The following DEPDC5 variants were observed in gnomAD, a reference collection of about 807,000 sequenced individuals.
DEPDC5 encodes GATOR1 complex protein DEPDC5.
Under a neutral mutation model 217.3 loss-of-function variants are expected in DEPDC5, and 73 were observed. The observed-to-expected ratio is 0.34, with a 90% CI of 0.28 to 0.41. The LOEUF is 0.41. DEPDC5 is among the 10% of genes least tolerant of loss of function. DEPDC5 has a pLI of 1.00. For missense variants in DEPDC5, 1,675 were observed against 2,070.1 expected (o/e 0.81, Z 3.70); for synonymous variants, 733 against 756.7 (o/e 0.97, Z 0.51).
intron 18 of DEPDC5, among the ~76,000 whole-genome samples, chr22:31,807,513 C>A (rs996631719): frequency 6.6e-6 from 1 of 152,202 alleles, no homozygotes; most frequent in Non-Finnish European, 1.5e-5. Context: ...CTTACTGCAA[C>A]TTCTGCCTCC....
chr22:31,804,806 T>C (rs376945701), intron 16 of DEPDC5, 36 bp from the exon 17 acceptor site: 14 of 1,598,524 alleles, frequency 8.8e-6, no homozygotes, highest in Non-Finnish European at 1.7e-6. Flanking sequence ...CTACTTGTTC[T>C]GTAGCTTATC....
At position 31,755,123 on chromosome 22, in the gene DEPDC5, A is replaced by G. The variant is rs930947972; in HGVS notation, c.58+144A>G. The G allele has an allele frequency of 3.6e-6, 3 of 844,660 alleles. No individual in the cohort carries two copies. In the Admixed American group the frequency reaches 8.3e-5, roughly 23 times the overall value. The allele number at this position is 844,660 out of a possible 1,614,324, so 52.3% of individuals were successfully genotyped here. ...ACTAAAGCAGCAACTGTCATACAGT[A>G]ACAATAGGAGGATGGCAGGACCCTT... On this transcript the variant is annotated intron_variant, in intron 2 of 42. Transcript: ENST00000651528.
In DEPDC5 at chr22:31,845,248, CT is replaced by C; in HGVS notation, c.3021+13del. 6.2e-7 allele frequency: 1 copy of C among 1,610,536 alleles called. No homozygotes were observed. The highest frequency in any genetic ancestry group is 8.5e-7 in the Non-Finnish European group (1 of 1,178,402). On this transcript the variant is annotated intron_variant, in intron 30 of 42. Transcript: ENST00000651528. ...GATCGCATGATGCGGGTAAGGGCTC[CT>C]TAGACTCAGGGAGTGCGCCTGGTGT...
At chr22:31,859,164 C>T (rs1391659694) in intron 32 of DEPDC5, 2 of 136,000 alleles carry the variant, frequency 1.5e-5, no homozygotes, top group Non-Finnish European at 3.0e-5. Context: ...GATCTCGGCT[C>T]ACTGCAAGCT....
chr22:31,821,615 G>A lies in DEPDC5; in HGVS notation c.1984G>A (p.Ala662Thr). The A allele has an allele frequency of 6.2e-7, 1 of 1,613,890 alleles. No homozygotes were observed. Among genetic ancestry groups the A allele is most frequent in the Non-Finnish European group, 8.5e-7 (1 of 1,179,748 alleles). ...CTCCTCTGCAGAGCTGCTGGAGTTAGCATATCATGAAGCTGCTGGAAGGTG... is the reference window on the plus strand; with the variant it reads ...CTCCTCTGCAGAGCTGCTGGAGTTAACATATCATGAAGCTGCTGGAAGGTG... ...THSSAELLEL[A>T]YHEAAGRHSN... The change falls in exon 23 of 43, where the codon GCA (alanine) becomes ACA (threonine). Residue 662 changes from alanine (A) to threonine (T), a missense_variant. By Grantham distance (58) the Ala-to-Thr change is moderately conservative. This residue lies in a region of DEPDC5 where 136 missense variants were observed against 132.2 expected (regional missense o/e 1.03). Transcript: ENST00000651528.
chr22:31,834,663 C>T (rs182477445), intron 25 of DEPDC5, among the ~76,000 whole-genome samples: 43 of 151,988 alleles, frequency 2.8e-4, no homozygotes, highest in African/African-American at 7.2e-4. Context: ...ATTATAGGCG[C>T]GCGCCACCAC....
chr22:31,781,059 A>G (rs1281909102), intron 8 of DEPDC5, among the ~76,000 whole-genome samples: 1 of 151,978 alleles, frequency 6.6e-6, no homozygotes, highest in Admixed American at 6.6e-5. Context: ...TCTACTAAAC[A>G]TACAAAATTA....
chr22:31,853,815 CAG>C (rs1216737863), intron 31 of DEPDC5, among the ~76,000 whole-genome samples: 3 of 152,074 alleles, frequency 2.0e-5, no homozygotes, highest in Admixed American at 2.0e-4. Flanking sequence ...CAAGTCAGGG[CAG>C]AGAGAGAGAG....
At chr22:31,889,295 T>C (rs1382193238) in intron 38 of DEPDC5, among the ~76,000 whole-genome samples, 1 of 152,202 alleles carries the variant, frequency 6.6e-6, no homozygotes, top group Non-Finnish European at 1.5e-5. Flanking sequence ...CATAATCCGC[T>C]AGAAACATAT....
At position 31,854,442 on chromosome 22, in the gene DEPDC5, A is replaced by G. The variant is rs144490459; in HGVS notation, c.3156-3003A>G. ...GAGACTGTGGTGTCAGTGGACAAGG[A>G]AAATAATCTAGCACCTAGTTTTTTG... is the stretch of plus-strand genomic sequence containing the variant. On this transcript the variant is annotated intron_variant, in intron 31 of 42. Coordinates refer to ENST00000651528, the MANE Select transcript of DEPDC5 (RefSeq NM_001242896.3). Among the ~76,000 whole-genome samples, 43 of 152,364 alleles carry G rather than the reference A, an allele frequency of 2.8e-4. 1 individual carries two copies. The East Asian group carries it at 7.3e-3, about 26-fold the overall frequency.
intron 40 of DEPDC5, among the ~76,000 whole-genome samples, chr22:31,899,306 T>C (rs2093607521): frequency 6.6e-6 from 1 of 152,256 alleles, no homozygotes; most frequent in African/African-American, 2.4e-5. Context: ...TAGCAGCAAA[T>C]TCAAAATCTT....
Position 31,897,456 on chromosome 22 carries a change from T to C in DEPDC5, c.4204-26T>C, listed in dbSNP as rs978127925. 3 of 1,580,676 alleles carry C rather than the reference T, an allele frequency of 1.9e-6. No homozygotes were observed. The South Asian group carries it at 3.4e-5, about 18-fold the overall frequency. ...TGTTTGAAAGAACTTGGAGATGATA[T>C]TGTTTGTTTCTGTACTTTCCGCCAG... On this transcript the variant is annotated intron_variant, in intron 39 of 42. Coordinates refer to ENST00000651528, the MANE Select transcript of DEPDC5 (RefSeq NM_001242896.3).
intron 24 of DEPDC5, among the ~76,000 whole-genome samples, chr22:31,826,684 C>G (rs755443465): frequency 1.8e-4 from 28 of 152,166 alleles, no homozygotes; most frequent in Non-Finnish European, 5.9e-5. Context: ...AATTGTACAA[C>G]TTGGCATGTT....
Position 31,845,168 on chromosome 22 carries a change from T to A in DEPDC5, c.2952T>A (p.Asp984Glu), listed in dbSNP as rs2091652467. The change falls in exon 30 of 43, where the codon GAT (aspartate) becomes GAA (glutamate). Residue 984 changes from aspartate (D) to glutamate (E), a missense_variant. This residue lies in a region of DEPDC5 where 293 missense variants were observed against 386.1 expected (regional missense o/e 0.76). Coordinates refer to ENST00000651528, the MANE Select transcript of DEPDC5 (RefSeq NM_001242896.3). ...RADEDEWQLL[D>E]GFVRFVEGLN... ...ACGAGGACGAGTGGCAACTCCTGGA[T>A]GGTTTTGTCCGCTTTGTGGAGGGCT... The A allele has an allele frequency of 6.2e-7, 1 of 1,614,132 alleles. No individual in the cohort carries two copies. Among genetic ancestry groups the A allele is most frequent in the Non-Finnish European group, 8.5e-7 (1 of 1,180,004 alleles).
At chr22:31,876,089 C>A in intron 36 of DEPDC5, 68 bp from the exon 37 acceptor site, 1 of 1,432,576 alleles carries the variant, frequency 7.0e-7, no homozygotes, top group South Asian at 1.2e-5. Context: ...GTCTCCAGAG[C>A]ATGACTGAGG....
At chr22:31,824,840 G>A (rs930588518) in intron 24 of DEPDC5, among the ~76,000 whole-genome samples, 2 of 152,038 alleles carry the variant, frequency 1.3e-5, no homozygotes, top group African/African-American at 4.8e-5. Context: ...ACTGGGCGTG[G>A]TGGCGGGCAC....
At chr22:31,827,630 G>A (rs2090257578) in intron 24 of DEPDC5, among the ~76,000 whole-genome samples, 1 of 152,172 alleles carries the variant, frequency 6.6e-6, no homozygotes, top group Non-Finnish European at 1.5e-5. Context: ...TGGAGTAAAA[G>A]CCAAGGCATT....
chr22:31,792,852 T>C (rs1464121094), intron 12 of DEPDC5, 35 bp downstream of exon 12: 3 of 1,447,200 alleles, frequency 2.1e-6, no homozygotes, highest in African/African-American at 3.0e-5. Context: ...TTTTTATTTA[T>C]TTATTAGTTG....
intron 7 of DEPDC5, among the ~76,000 whole-genome samples, chr22:31,777,106 G>GGT (rs2083944022): frequency 6.6e-6 from 1 of 150,454 alleles, no homozygotes; most frequent in South Asian, 2.1e-4. Context: ...TGGGTCTATA[G>GGT]GTGCCACCAT....
Sources: allele counts gnomAD v4.1 joint callset (sites outside exome capture counted in the v4.1 genomes callset), GRCh38; gene constraint gnomAD v4.1.1; regional missense constraint gnomAD v4.1.1; transcripts MANE v1.5; gene names NCBI Gene and HGNC (gene_info 2026-07-23, HGNC 2026-07-21).